The following PPM1E variants were observed in gnomAD, a reference collection of about 807,000 sequenced individuals.
The protein encoded by PPM1E is protein phosphatase, Mg2+/Mn2+ dependent 1E.
Under a neutral mutation model 65.9 loss-of-function variants are expected in PPM1E, and 20 were observed. The observed-to-expected ratio is 0.30, with a 90% CI of 0.21 to 0.44. PPM1E has a LOEUF of 0.44. Ranked by LOEUF, PPM1E falls within the 20% of genes least tolerant of loss-of-function variation. The probability of loss-of-function intolerance (pLI) is 1.00; values close to 1 mark genes in which losing one functional copy is unlikely to be tolerated. For synonymous variants in PPM1E, 352 were observed against 374.9 expected (o/e 0.94, Z 0.70); for missense variants, 713 against 953.1 (o/e 0.75, Z 3.32).
chr17:58,765,854 G>A (rs2049868976), intron 1 of PPM1E, among the ~76,000 whole-genome samples: 2 of 149,044 alleles, frequency 1.3e-5, no homozygotes, highest in Non-Finnish European at 3.0e-5. Context: ...CACAACCTCT[G>A]GTCTTTAATA....
At chr17:58,779,239 G>A (rs899895767) in intron 1 of PPM1E, among the ~76,000 whole-genome samples, 19 of 148,418 alleles carry the variant, frequency 1.3e-4, no homozygotes, top group Non-Finnish European at 1.2e-4. Flanking sequence ...GCAATGGTGC[G>A]ATCTTGGCTC....
chr17:58,877,623 A>G (rs2051142774), intron 1 of PPM1E, among the ~76,000 whole-genome samples: 1 of 152,194 alleles, frequency 6.6e-6, no homozygotes, highest in East Asian at 1.9e-4. Flanking sequence ...TCCATAAAGT[A>G]GTGAGGAATA....
At chr17:58,805,008 A>G (rs1333721264) in intron 1 of PPM1E, among the ~76,000 whole-genome samples, 1 of 151,816 alleles carries the variant, frequency 6.6e-6, no homozygotes, top group African/African-American at 2.4e-5. Context: ...ATCTCTCTTC[A>G]TCTCTACCTT....
intron 1 of PPM1E, among the ~76,000 whole-genome samples, chr17:58,829,238 C>T (rs1236341125): frequency 6.6e-6 from 1 of 152,050 alleles, no homozygotes; most frequent in Non-Finnish European, 1.5e-5. Flanking sequence ...GACGGGGTTT[C>T]TCCATGTTGG....
rs78630301 is a variant in PPM1E, at chr17:58,903,340, A to T, written c.465-52309A>T. On this transcript the variant is annotated intron_variant, in intron 1 of 6. Coordinates refer to ENST00000308249, the MANE Select transcript of PPM1E (RefSeq NM_014906.5). ...AGGAAGTAGGATTCAGGTCACAACTATCCCTGGTGTTGCTGAACATTTTTC... is the reference window on the plus strand; with the variant it reads ...AGGAAGTAGGATTCAGGTCACAACTTTCCCTGGTGTTGCTGAACATTTTTC... Among the ~76,000 whole-genome samples, 351 of 152,266 alleles carry T rather than the reference A, an allele frequency of 2.3e-3. 3 individuals are homozygous for T. Among genetic ancestry groups the T allele is most frequent in the East Asian group, 8.3e-3 (43 of 5,192 alleles).
chr17:58,778,841 T>C (rs931649195), intron 1 of PPM1E, among the ~76,000 whole-genome samples: 1 of 150,986 alleles, frequency 6.6e-6, no homozygotes, highest in Non-Finnish European at 1.5e-5. Context: ...ACTTGTATTT[T>C]GCCACTCCAA....
chr17:58,820,538 A>G (rs777989799), intron 1 of PPM1E, among the ~76,000 whole-genome samples: 1 of 152,220 alleles, frequency 6.6e-6, no homozygotes, highest in Non-Finnish European at 1.5e-5. Flanking sequence ...ATTCAACTGT[A>G]AAAGACGTGG....
chr17:58,899,328 C>CA lies in PPM1E; in HGVS notation c.465-56313dup, dbSNP rs201932587. 552 of 150,588 alleles carry CA rather than the reference C, an allele frequency of 3.7e-3. 6 individuals are homozygous for CA. The highest frequency in any genetic ancestry group is 0.013 in the African/African-American group (519 of 40,950). 9.3% of individuals were successfully genotyped at this position (150,588 alleles called of 1,614,324 possible). A position where few individuals can be genotyped will look rare whatever the true frequency, so the allele number is the denominator to read the frequency against. On this transcript the variant is annotated intron_variant, in intron 1 of 6. Coordinates refer to ENST00000308249, the MANE Select transcript of PPM1E (RefSeq NM_014906.5). ...CCAGCCTGGTGACAGAGCCTGTCTCCAAAAAAAACAAAAAAACAAAAAACA... is the reference window on the plus strand; with the variant it reads ...CCAGCCTGGTGACAGAGCCTGTCTCCAAAAAAAAACAAAAAAACAAAAAACA...
At position 58,817,422 on chromosome 17, in the gene PPM1E, T is replaced by C. The variant is rs185240703; in HGVS notation, c.464+60961T>C. 1.7e-4 allele frequency among the ~76,000 whole-genome samples: 26 copies of C among 152,356 alleles called. No homozygotes were observed. In the East Asian group the frequency reaches 4.6e-3, roughly 27 times the overall value. On this transcript the variant is annotated intron_variant, in intron 1 of 6. Coordinates refer to ENST00000308249, the MANE Select transcript of PPM1E (RefSeq NM_014906.5). Reference sequence around the variant, plus strand: ...TTTATTACCTTATATTTAAAATGTTTACTGTTTCATTTTAAAATAAGAAAA... The same window carrying C: ...TTTATTACCTTATATTTAAAATGTTCACTGTTTCATTTTAAAATAAGAAAA...
chr17:58,848,979 A>G (rs1263704977), intron 1 of PPM1E, among the ~76,000 whole-genome samples: 6 of 152,132 alleles, frequency 3.9e-5, no homozygotes, highest in Admixed American at 2.6e-4. Flanking sequence ...CAGAGATTCA[A>G]CTTCTTCCTG....
intron 1 of PPM1E, among the ~76,000 whole-genome samples, chr17:58,841,520 A>AATTTTTTTTTTTTTTTTTT (rs1567850511): frequency 6.9e-6 from 1 of 144,090 alleles, no homozygotes; most frequent in Non-Finnish European, 1.5e-5. Flanking sequence ...AAAAACAAAT[A>AATTTTTTTTTTTTTTTTTT]CTTTTTTTTT....
intron 1 of PPM1E, among the ~76,000 whole-genome samples, chr17:58,783,825 A>C (rs1316828587): frequency 6.6e-6 from 1 of 151,878 alleles, no homozygotes; most frequent in East Asian, 1.9e-4. Flanking sequence ...CTCTTGCATC[A>C]GCCTCCCGAG....
At chr17:58,816,025 C>CT (rs200564128) in intron 1 of PPM1E, among the ~76,000 whole-genome samples, 3,004 of 150,960 alleles carry the variant, frequency 0.02, 91 homozygotes, top group Admixed American at 0.079. Context: ...TATAATATTT[C>CT]TTTTTTTTTG....
At position 58,972,278 on chromosome 17, in the gene PPM1E, A is replaced by G. The variant is rs988664062; in HGVS notation, c.1116+3A>G. The G allele has an allele frequency of 1.9e-6, 3 of 1,613,562 alleles. No individual in the cohort carries two copies. In the African/African-American group the frequency reaches 4.0e-5, roughly 22 times the overall value. On this transcript the variant is annotated splice_donor_region_variant and intron_variant, in intron 5 of 6. Transcript: ENST00000308249. ...AGCCACACAAACCAGACAGAGAGGTAAGTATGGTCTGTTTTAATAGAGCCC... is the reference window on the plus strand; with the variant it reads ...AGCCACACAAACCAGACAGAGAGGTGAGTATGGTCTGTTTTAATAGAGCCC...
intron 1 of PPM1E, among the ~76,000 whole-genome samples, chr17:58,763,113 C>T (rs1185901634): frequency 6.6e-6 from 1 of 151,974 alleles, no homozygotes. Context: ...ATACTGACTG[C>T]TCTAATGGAT....
chr17:58,766,755 C>T (rs888291219), intron 1 of PPM1E, among the ~76,000 whole-genome samples: 1 of 152,064 alleles, frequency 6.6e-6, no homozygotes, highest in African/African-American at 2.4e-5. Context: ...TCAGCTATCA[C>T]TGATTTTGCA....
chr17:58,814,423 A>G (rs1193972938), intron 1 of PPM1E, among the ~76,000 whole-genome samples: 2 of 152,360 alleles, frequency 1.3e-5, no homozygotes, highest in African/African-American at 4.8e-5. Flanking sequence ...CAAGGGAGCT[A>G]TGTATTACTA....
chr17:58,827,938 G>A (rs1482526608), intron 1 of PPM1E, among the ~76,000 whole-genome samples: 1 of 149,980 alleles, frequency 6.7e-6, no homozygotes, highest in Non-Finnish European at 1.5e-5. Context: ...ATAATAATTG[G>A]CCAGGCAAGG....
chr17:58,901,367 G>A (rs1178355742), intron 1 of PPM1E, among the ~76,000 whole-genome samples: 1 of 152,092 alleles, frequency 6.6e-6, no homozygotes, highest in Non-Finnish European at 1.5e-5. Context: ...ACTACTGAGG[G>A]TTTTCTATTA....
Sources: allele counts gnomAD v4.1 joint callset (sites outside exome capture counted in the v4.1 genomes callset), GRCh38; gene constraint gnomAD v4.1.1; transcripts MANE v1.5; gene names NCBI Gene and HGNC (gene_info 2026-07-23, HGNC 2026-07-21).